The following TSPAN5 variants were observed in gnomAD, a reference collection of about 807,000 sequenced individuals.
The protein encoded by TSPAN5 is tetraspanin-5.
In TSPAN5, 10 loss-of-function variants were observed where a neutral mutation model predicts 37.1. That is an observed-to-expected ratio of 0.27 (90% confidence interval 0.17 to 0.46). The LOEUF (loss-of-function observed/expected upper bound fraction) is 0.46, where lower values mean the gene tolerates loss of function less well. TSPAN5 is among the 20% of genes least tolerant of loss of function. TSPAN5 has a pLI of 1.00. For synonymous variants in TSPAN5, 110 were observed against 118.9 expected, an observed-to-expected ratio of 0.93 and a Z score of 0.48; for missense variants, 195 against 326.6, an observed-to-expected ratio of 0.60 and a Z score of 3.11.
At chr4:98,646,906 A>C (rs1259532675) in intron 1 of TSPAN5, among the ~76,000 whole-genome samples, 1 of 152,222 alleles carries the variant, frequency 6.6e-6, no homozygotes, top group Non-Finnish European at 1.5e-5. Context: ...TCAAATCCTC[A>C]GGATTCCGAG....
chr4:98,636,167 G>A (rs1756853787), intron 1 of TSPAN5, among the ~76,000 whole-genome samples: 1 of 152,222 alleles, frequency 6.6e-6, no homozygotes, highest in South Asian at 2.1e-4. Flanking sequence ...GTCAAGAAAT[G>A]TAAATAAGGG....
intron 1 of TSPAN5, among the ~76,000 whole-genome samples, chr4:98,625,140 C>A (rs1241974394): frequency 6.6e-6 from 1 of 152,090 alleles, no homozygotes; most frequent in Non-Finnish European, 1.5e-5. Flanking sequence ...GCCCTATGGG[C>A]AGTAGTTATT....
chr4:98,611,038 C>A (rs1756175057), intron 1 of TSPAN5, among the ~76,000 whole-genome samples: 1 of 152,170 alleles, frequency 6.6e-6, no homozygotes, highest in Non-Finnish European at 1.5e-5. Flanking sequence ...CAGCCACTTG[C>A]ACCACTGGCT....
chr4:98,472,391 G>T lies in TSPAN5; in HGVS notation c.*131C>A. 1 of 661,244 alleles carries T rather than the reference G, an allele frequency of 1.5e-6. No homozygotes were observed. The highest frequency in any genetic ancestry group is 1.9e-5 in the African/African-American group (1 of 53,922). The allele number at this position is 661,244 out of a possible 1,614,324, so 41.0% of individuals were successfully genotyped here. A position where few individuals can be genotyped will look rare whatever the true frequency, so the allele number is the denominator to read the frequency against. On this transcript the variant is annotated 3_prime_UTR_variant, in exon 8 of 8. Transcript: ENST00000305798. ...TTCCCAGTTTTACACTCCCCTAATG[G>T]CAGCTCCATTAGGCGAGACTGCAGG...
intron 1 of TSPAN5, among the ~76,000 whole-genome samples, chr4:98,547,914 A>C (rs1175343146): frequency 6.6e-6 from 1 of 151,252 alleles, no homozygotes; most frequent in Non-Finnish European, 1.5e-5. Flanking sequence ...CTGAGGCAGG[A>C]GAATCCCTTG....
intron 1 of TSPAN5, among the ~76,000 whole-genome samples, chr4:98,579,469 G>GT (rs1755321156): frequency 6.6e-6 from 1 of 152,266 alleles, no homozygotes; most frequent in South Asian, 2.1e-4. Context: ...TCATGGTTCT[G>GT]TTTTTTAAAA....
intron 1 of TSPAN5, among the ~76,000 whole-genome samples, chr4:98,642,969 C>A (rs1181854127): frequency 6.6e-6 from 1 of 152,064 alleles, no homozygotes; most frequent in African/African-American, 2.4e-5. Context: ...TTATTGAAGA[C>A]AGATATTTTT....
intron 2 of TSPAN5, among the ~76,000 whole-genome samples, chr4:98,492,527 A>G (rs1161102918): frequency 1.3e-5 from 2 of 152,130 alleles, no homozygotes; most frequent in Non-Finnish European, 2.9e-5. Flanking sequence ...CTTTGAATAC[A>G]CTATGCTTCA....
chr4:98,553,917 A>G (rs926356284), intron 1 of TSPAN5, among the ~76,000 whole-genome samples: 3 of 152,082 alleles, frequency 2.0e-5, no homozygotes, highest in African/African-American at 7.2e-5. Flanking sequence ...AAATACAAAA[A>G]TTAGCTGGGC....
At chr4:98,500,768 T>C (rs1753328894) in intron 2 of TSPAN5, among the ~76,000 whole-genome samples, 1 of 152,190 alleles carries the variant, frequency 6.6e-6, no homozygotes, top group South Asian at 2.1e-4. Flanking sequence ...ACAAACAGCT[T>C]CTGGGCATCC....
At chr4:98,524,133 T>A (rs1208047343) in intron 1 of TSPAN5, among the ~76,000 whole-genome samples, 1 of 152,246 alleles carries the variant, frequency 6.6e-6, no homozygotes, top group African/African-American at 2.4e-5. Flanking sequence ...CTGTGCATTA[T>A]TCAGTTAATC....
At chr4:98,656,967 T>C (rs553656851) in intron 1 of TSPAN5, among the ~76,000 whole-genome samples, 29 of 152,322 alleles carry the variant, frequency 1.9e-4, no homozygotes, top group South Asian at 6.2e-4. Flanking sequence ...TGGATAATTA[T>C]TGATCCTGCA....
intron 2 of TSPAN5, among the ~76,000 whole-genome samples, chr4:98,494,086 G>C (rs561055828): frequency 6.6e-6 from 1 of 152,270 alleles, no homozygotes; most frequent in East Asian, 1.9e-4. Flanking sequence ...GTCCATGTCT[G>C]AGGCAATAGG....
chr4:98,613,530 T>C (rs1756250565), intron 1 of TSPAN5, among the ~76,000 whole-genome samples: 1 of 152,222 alleles, frequency 6.6e-6, no homozygotes, highest in Non-Finnish European at 1.5e-5. Context: ...TCTCTAATTA[T>C]GCAAATATGG....
chr4:98,504,828 T>C (rs541136739), intron 2 of TSPAN5, among the ~76,000 whole-genome samples: 1 of 152,242 alleles, frequency 6.6e-6, no homozygotes, highest in Non-Finnish European at 1.5e-5. Context: ...CAGGTCTGTT[T>C]ACCCCTGTCT....
chr4:98,560,534 C>G (rs10005706), intron 1 of TSPAN5, among the ~76,000 whole-genome samples: 1 of 152,042 alleles, frequency 6.6e-6, no homozygotes, highest in African/African-American at 2.4e-5. Flanking sequence ...TTGTTTAGGA[C>G]GTGCCTCCAA....
At chr4:98,580,801 A>T (rs935780426) in intron 1 of TSPAN5, among the ~76,000 whole-genome samples, 1 of 152,124 alleles carries the variant, frequency 6.6e-6, no homozygotes, top group Admixed American at 6.6e-5. Flanking sequence ...CCAATTGGAG[A>T]CCCGTACAGG....
At chr4:98,622,228 C>T (rs1412803894) in intron 1 of TSPAN5, among the ~76,000 whole-genome samples, 3 of 152,086 alleles carry the variant, frequency 2.0e-5, no homozygotes, top group Non-Finnish European at 2.9e-5. Context: ...TACAGGTGCC[C>T]ACTACTATGC....
intron 5 of TSPAN5, 57 bp from the exon 6 acceptor site, chr4:98,476,517 T>C: frequency 6.5e-7 from 1 of 1,546,438 alleles, no homozygotes; most frequent in East Asian, 2.2e-5. Context: ...AAAGCCCACC[T>C]AGAAATGAGC....
Sources: gnomAD v4.1 joint callset for allele counts (sites outside exome capture counted in the v4.1 genomes callset) on GRCh38, gnomAD v4.1.1 for gene constraint, MANE v1.5 for transcripts, NCBI Gene and HGNC (gene_info 2026-07-23, HGNC 2026-07-21) for gene names.